The following SNX29 variants were observed in gnomAD, a reference collection of about 807,000 sequenced individuals.
SNX29 encodes sorting nexin 29.
SNX29 carries 78 observed loss-of-function variants against 102.1 expected under a neutral mutation model. The ratio of observed to expected loss-of-function variants is 0.76; its 90% CI spans 0.64 to 0.92. The LOEUF is 0.92. Among genes scored for constraint, SNX29 ranks in the 40% least tolerant of loss-of-function variants. The pLI is 0.00. For missense variants in SNX29, 1,280 were observed against 1,061.7 expected (o/e 1.21, Z -2.86); for synonymous variants, 580 against 414.5 (o/e 1.40, Z -4.85).
chr16:12,006,011 T>C (rs2056438974), intron 3 of SNX29, among the ~76,000 whole-genome samples: 1 of 152,144 alleles, frequency 6.6e-6, no homozygotes, highest in Non-Finnish European at 1.5e-5. Context: ...GTGATAACTG[T>C]TGTTTATGGC....
At chr16:12,375,665 C>A (rs565309570) in intron 16 of SNX29, 1 of 152,362 alleles carries the variant, frequency 6.6e-6, no homozygotes, top group East Asian at 1.9e-4. Flanking sequence ...CAGGCCTCTT[C>A]ACTGCGGCCA....
chr16:11,988,220 G>A (rs2055707406), intron 1 of SNX29, among the ~76,000 whole-genome samples: 2 of 151,762 alleles, frequency 1.3e-5, no homozygotes, highest in African/African-American at 4.8e-5. Flanking sequence ...CTTGAACCCG[G>A]GAGGCAGAGA....
At chr16:12,567,051 C>T (rs570653912) in intron 20 of SNX29, among the ~76,000 whole-genome samples, 68 of 152,330 alleles carry the variant, frequency 4.5e-4, no homozygotes, top group African/African-American at 1.6e-3. Context: ...CATGAAGATG[C>T]TAGGCTGTTT....
chr16:12,434,051 A>C (rs912272477), intron 18 of SNX29, among the ~76,000 whole-genome samples: 2 of 152,050 alleles, frequency 1.3e-5, no homozygotes, highest in East Asian at 3.9e-4. Flanking sequence ...TCTTGCCCAG[A>C]CCTAGATCAA....
intron 4 of SNX29, among the ~76,000 whole-genome samples, chr16:12,033,079 T>C (rs2151140547): frequency 6.6e-6 from 1 of 152,166 alleles, no homozygotes; most frequent in Admixed American, 6.5e-5. Context: ...GGTCTCGAGC[T>C]CCTGGCCTCA....
intron 20 of SNX29, among the ~76,000 whole-genome samples, chr16:12,563,280 C>G (rs1567210241): frequency 6.6e-6 from 1 of 152,108 alleles, no homozygotes; most frequent in South Asian, 2.1e-4. Flanking sequence ...ACGTCGGGTT[C>G]TGGATCCACA....
chr16:12,019,356 C>T (rs2056946649), intron 3 of SNX29, among the ~76,000 whole-genome samples: 1 of 151,668 alleles, frequency 6.6e-6, no homozygotes, highest in South Asian at 2.1e-4. Flanking sequence ...TACAGGCCCG[C>T]CACCATGCCC....
chr16:12,298,269 T>G (rs1413481085), intron 15 of SNX29, among the ~76,000 whole-genome samples: 2 of 152,198 alleles, frequency 1.3e-5, no homozygotes, highest in Non-Finnish European at 2.9e-5. Context: ...CAATTCATAA[T>G]GCAATGAATA....
chr16:12,527,702 A>G (rs1232212455), intron 20 of SNX29, among the ~76,000 whole-genome samples: 3 of 152,166 alleles, frequency 2.0e-5, no homozygotes, highest in African/African-American at 7.2e-5. Context: ...GTTTGGCACC[A>G]TAGCCCGTGT....
At chr16:12,475,041 GATCCTGGCATAGCTGCGCTATTCGT>G (rs1279689175) in intron 18 of SNX29, among the ~76,000 whole-genome samples, 2 of 152,204 alleles carry the variant, frequency 1.3e-5, no homozygotes, top group Non-Finnish European at 2.9e-5. Context: ...TGGTCCATGT[GATCCTGGCATAGCTGCGCTATTCGT>G]AGACCTGAAT....
chr16:12,535,082 A>G (rs1214069428), intron 20 of SNX29, among the ~76,000 whole-genome samples: 2 of 152,202 alleles, frequency 1.3e-5, no homozygotes, highest in African/African-American at 2.4e-5. Context: ...AGAAAAAGAG[A>G]GAGGGAGGAG....
intron 15 of SNX29, among the ~76,000 whole-genome samples, chr16:12,336,001 C>T (rs956667296): frequency 1.4e-4 from 22 of 152,154 alleles, no homozygotes; most frequent in Non-Finnish European, 3.1e-4. Context: ...GACAGTCTGT[C>T]TGGGTCTGTG....
chr16:12,124,772 G>C (rs1284899997), intron 11 of SNX29, among the ~76,000 whole-genome samples: 1 of 152,172 alleles, frequency 6.6e-6, no homozygotes, highest in Non-Finnish European at 1.5e-5. Context: ...TCCATTGGTT[G>C]AAATTGACAT....
intron 13 of SNX29, among the ~76,000 whole-genome samples, chr16:12,185,199 A>C (rs1596458094): frequency 6.6e-6 from 1 of 152,158 alleles, no homozygotes; most frequent in Admixed American, 6.5e-5. Flanking sequence ...TACAGGGGCC[A>C]GGTAGATAAC....
intron 14 of SNX29, among the ~76,000 whole-genome samples, chr16:12,269,800 C>G (rs1384370626): frequency 6.6e-6 from 1 of 151,800 alleles, no homozygotes; most frequent in Non-Finnish European, 1.5e-5. Flanking sequence ...AATTGTCATT[C>G]TTTCCATTTT....
chr16:12,376,974 T>G (rs2082898476), intron 16 of SNX29, among the ~76,000 whole-genome samples: 1 of 152,138 alleles, frequency 6.6e-6, no homozygotes, highest in Non-Finnish European at 1.5e-5. Context: ...GTTTCTGAGG[T>G]CCAGAGGTTT....
chr16:12,384,877 A>C (rs1419705636), intron 16 of SNX29, among the ~76,000 whole-genome samples: 1 of 152,186 alleles, frequency 6.6e-6, no homozygotes, highest in African/African-American at 2.4e-5. Context: ...CACATATAAA[A>C]AGTGCTGTGG....
intron 13 of SNX29, among the ~76,000 whole-genome samples, chr16:12,198,618 G>T (rs1240999782): frequency 6.6e-6 from 1 of 152,246 alleles, no homozygotes; most frequent in Non-Finnish European, 1.5e-5. Flanking sequence ...CCCTCTGGTA[G>T]AGCTGGTCAG....
intron 1 of SNX29, among the ~76,000 whole-genome samples, chr16:11,998,102 C>G (rs919903186): frequency 1.3e-5 from 2 of 152,198 alleles, no homozygotes; most frequent in African/African-American, 4.8e-5. Context: ...GAATCACTGA[C>G]CACCTCTGAG....
Sources: gnomAD v4.1 joint callset for allele counts (sites outside exome capture counted in the v4.1 genomes callset) on GRCh38, gnomAD v4.1.1 for gene constraint, MANE v1.5 for transcripts, NCBI Gene and HGNC (gene_info 2026-07-23, HGNC 2026-07-21) for gene names.